The following TUBB4A variants were observed in gnomAD, a reference collection of about 807,000 sequenced individuals.
TUBB4A encodes tubulin beta-4A chain.
TUBB4A carries 13 observed loss-of-function variants against 35.1 expected under a neutral mutation model. That is an observed-to-expected ratio of 0.37 (90% CI 0.24 to 0.59). The LOEUF is 0.59. Among genes scored for constraint, TUBB4A ranks in the 20% least tolerant of loss-of-function variants. The pLI is 0.71. For synonymous variants in TUBB4A, 279 were observed against 272.4 expected, an observed-to-expected ratio of 1.02 and a Z score of -0.24; for missense variants, 299 against 647.2, an observed-to-expected ratio of 0.46 and a Z score of 5.84.
At position 6,501,231 on chromosome 19, in the gene TUBB4A, G is replaced by C; in HGVS notation, c.277+56C>G. 1 of 1,456,110 alleles carries C rather than the reference G, an allele frequency of 6.9e-7. No homozygotes were observed. The highest frequency in any genetic ancestry group is 2.3e-5 in the East Asian group (1 of 43,852). The allele number at this position is 1,456,110 out of a possible 1,614,324, so 90.2% of individuals were successfully genotyped here. A position where few individuals can be genotyped will look rare whatever the true frequency, so the allele number is the denominator to read the frequency against. On this transcript the variant is annotated intron_variant, in intron 3 of 3. Coordinates refer to ENST00000264071, the MANE Select transcript of TUBB4A (RefSeq NM_006087.4). This position sits in a 1 kb window ranked among gnomAD's most constrained non-coding sequence, Gnocchi z 4.2. ...CCCGGTGGTGGCTGTTGACTCTGTG[G>C]TGTTAGCAGGAATAAGGAGGTTTTC...
chr19:6,496,406 G>T (rs1437588290), intron 3 of TUBB4A, 185 bp from the exon 4 acceptor site: 1 of 578,830 alleles, frequency 1.7e-6, no homozygotes, highest in Non-Finnish European at 3.0e-6. Context: ...GAGGTGGGCG[G>T]ATCACGAGGT....
chr19:6,500,397 G>A (rs1914475603), intron 3 of TUBB4A, among the ~76,000 whole-genome samples: 1 of 152,140 alleles, frequency 6.6e-6, no homozygotes, highest in Non-Finnish European at 1.5e-5. Flanking sequence ...GCCTCCCAAA[G>A]TCCTGGGTTT....
In TUBB4A at chr19:6,501,658, G is replaced by A. The variant is rs1388860157; in HGVS notation, c.58-35C>T. 1 of 1,586,708 alleles carries A rather than the reference G, an allele frequency of 6.3e-7. No homozygotes were observed. Among genetic ancestry groups the A allele is most frequent in the Non-Finnish European group, 8.6e-7 (1 of 1,160,334 alleles). ...GAGGTGGTCGGAAGAGTTGAGAGAG[G>A]GGAAGCCGGTGGCCAAGCCGAGGAC... is the stretch of plus-strand genomic sequence containing the variant. On this transcript the variant is annotated intron_variant, in intron 1 of 3. Coordinates refer to ENST00000264071, the MANE Select transcript of TUBB4A (RefSeq NM_006087.4). This position sits in a 1 kb window ranked among gnomAD's most constrained non-coding sequence, Gnocchi z 4.2.
In TUBB4A at chr19:6,495,405, G is replaced by A. The variant is rs1053267; in HGVS notation, c.1094C>T (p.Ala365Val). ...GGCCGTGCTGTTGCCGATGAAGGTCGCGGCCATCTTCAGGCCGCGGGGCGG... is the reference window on the plus strand; with the variant it reads ...GGCCGTGCTGTTGCCGATGAAGGTCACGGCCATCTTCAGGCCGCGGGGCGG... ...DIPPRGLKMA[A>V]TFIGNSTAIQ... Residue 365 changes from alanine to valine, a missense_variant, in exon 4 of 4, where the codon GCG becomes GTG. This residue lies in a region of TUBB4A where 125 missense variants were observed against 279.1 expected (regional missense o/e 0.45). Coordinates refer to ENST00000264071, the MANE Select transcript of TUBB4A (RefSeq NM_006087.4). The surrounding 1 kb of genome is among the most constrained non-coding windows in gnomAD (Gnocchi z 8.7). 1.2e-6 allele frequency: 2 copies of A among 1,614,024 alleles called. No individual in the cohort carries two copies. Among genetic ancestry groups the A allele is most frequent in the Non-Finnish European group, 1.7e-6 (2 of 1,180,014 alleles).
upstream of TUBB4A, chr19:6,502,361 G>A (rs755809751): frequency 1.6e-5 from 14 of 860,082 alleles, no homozygotes; most frequent in South Asian, 2.6e-4. Flanking sequence ...CACGCGTCAC[G>A]GCCGGTCACC....
Position 6,495,443 on chromosome 19 carries a change from G to A in TUBB4A, c.1056C>T (p.Ala352=), listed in dbSNP as rs140196381. ...GGCCGCGGGGCGGGATGTCGCACAC[G>A]GCCGTCTTCACGTTGTTGGGGATCC... The part of the protein sequence containing the change: ...VEWIPNNVKT[A]VCDIPPRGLK... The change falls in exon 4 of 4, where the codon GCC becomes GCT. Residue 352 remains alanine (A), a synonymous_variant. Transcript: ENST00000264071. The surrounding 1 kb of genome is among the most constrained non-coding windows in gnomAD (Gnocchi z 8.7). 2.3e-5 allele frequency: 37 copies of A among 1,614,138 alleles called. No individual in the cohort carries two copies. The highest frequency in any genetic ancestry group is 2.0e-4 in the East Asian group (9 of 44,882).
chr19:6,498,380 C>A (rs985841308), intron 3 of TUBB4A, among the ~76,000 whole-genome samples: 2 of 152,132 alleles, frequency 1.3e-5, no homozygotes, highest in African/African-American at 2.4e-5. Flanking sequence ...CCCTTATCAC[C>A]CAGTCTGTCC....
At position 6,501,744 on chromosome 19, in the gene TUBB4A, G is replaced by A. The variant is rs1344481645; in HGVS notation, c.58-121C>T. 8 of 773,316 alleles carry A rather than the reference G, an allele frequency of 1.0e-5. No individual in the cohort carries two copies. Among genetic ancestry groups the A allele is most frequent in the Non-Finnish European group, 1.7e-5 (8 of 469,148 alleles). 47.9% of individuals were successfully genotyped at this position (773,316 alleles called of 1,614,324 possible). A position where few individuals can be genotyped will look rare whatever the true frequency, so the allele number is the denominator to read the frequency against. ...CTCTCCCCCAGCAAGGTGAACGGGGGACCTAGAGGCATGGTGTCGGGGCGA... is the reference window on the plus strand; with the variant it reads ...CTCTCCCCCAGCAAGGTGAACGGGGAACCTAGAGGCATGGTGTCGGGGCGA... On this transcript the variant is annotated intron_variant, in intron 1 of 3. Transcript: ENST00000264071. The surrounding 1 kb of genome is among the most constrained non-coding windows in gnomAD (Gnocchi z 4.2).
rs1163559005 is a variant in TUBB4A at position 6,501,490 on chromosome 19, C to G, written c.166+25G>C. 1.9e-6 allele frequency: 3 copies of G among 1,609,228 alleles called. No homozygotes were observed. The highest frequency in any genetic ancestry group is 1.7e-4 in the Middle Eastern group (1 of 6,044). On this transcript the variant is annotated intron_variant, in intron 2 of 3. Transcript: ENST00000264071. The surrounding 1 kb of genome is among the most constrained non-coding windows in gnomAD (Gnocchi z 4.2). ...TTCCCTCCCAGCTGCCCCTTCCCAC[C>G]TGGAAGGTGCCTCCTTCGCCCTACC...
chr19:6,502,423 G>T (rs752515771), upstream of TUBB4A: 73 of 545,062 alleles, frequency 1.3e-4, no homozygotes, highest in Admixed American at 6.4e-4. Flanking sequence ...GGGCTGGGGT[G>T]GGGGGAGGTG....
At position 6,501,866 on chromosome 19, in the gene TUBB4A, G is replaced by A. The variant is rs1914549012; in HGVS notation, c.58-243C>T. 1.7e-6 allele frequency: 1 copy of A among 587,366 alleles called. No individual in the cohort carries two copies. The highest frequency in any genetic ancestry group is 2.1e-5 in the South Asian group (1 of 48,238). 36.4% of individuals were successfully genotyped at this position (587,366 alleles called of 1,614,324 possible). A position where few individuals can be genotyped will look rare whatever the true frequency, so the allele number is the denominator to read the frequency against. On this transcript the variant is annotated intron_variant, in intron 1 of 3. Coordinates refer to ENST00000264071, the MANE Select transcript of TUBB4A (RefSeq NM_006087.4). The surrounding 1 kb of genome is among the most constrained non-coding windows in gnomAD (Gnocchi z 4.2). ...CCAGCGCACCCAGGCTGCAGCCCGG[G>A]GGAGGCACCGGGGCTCTTTGTGCGT...
Position 6,495,673 on chromosome 19 carries a change from G to A in TUBB4A, c.826C>T (p.Arg276Trp), listed in dbSNP as rs1324545862. The A allele has an allele frequency of 3.1e-6, 5 of 1,613,950 alleles. No homozygotes were observed. The highest frequency in any genetic ancestry group is 2.2e-5 in the East Asian group (1 of 44,888). Residue 276 changes from arginine to tryptophan, a missense_variant, in exon 4 of 4, where the codon CGG (arginine) becomes TGG (tryptophan). Arg to Trp is a moderately radical substitution (Grantham distance 101). Coordinates refer to ENST00000264071, the MANE Select transcript of TUBB4A (RefSeq NM_006087.4). This position sits in a 1 kb window ranked among gnomAD's most constrained non-coding sequence, Gnocchi z 8.7. The part of the protein sequence containing the change: ...FMPGFAPLTS[R>W]GSQQYRALTV... ...AGGGCCCGGTACTGCTGGCTGCCCCGGCTGGTCAGGGGTGCGAAGCCGGGC... is the reference window on the plus strand; with the variant it reads ...AGGGCCCGGTACTGCTGGCTGCCCCAGCTGGTCAGGGGTGCGAAGCCGGGC...
intron 3 of TUBB4A, among the ~76,000 whole-genome samples, chr19:6,497,513 G>C (rs114772352): frequency 0.017 from 2,622 of 151,910 alleles, 83 homozygotes; most frequent in African/African-American, 0.059. Context: ...CAATCCACCT[G>C]CCATGGCCTC....
intron 3 of TUBB4A, among the ~76,000 whole-genome samples, chr19:6,498,330 G>C (rs1362200491): frequency 6.6e-6 from 1 of 152,056 alleles, no homozygotes; most frequent in Non-Finnish European, 1.5e-5. Context: ...CACCCTCCTG[G>C]ATAAGTTCAA....
At chr19:6,496,251 G>C in intron 3 of TUBB4A, 30 bp from the exon 4 acceptor site, 5 of 1,580,604 alleles carry the variant, frequency 3.2e-6, no homozygotes, top group Non-Finnish European at 4.3e-6. Flanking sequence ...GGACACACAT[G>C]CAGTTATGGG....
At chr19:6,498,210 C>CA (rs33975406) in intron 3 of TUBB4A, among the ~76,000 whole-genome samples, 95,399 of 139,240 alleles carry the variant, frequency 0.69, 32,796 homozygotes, top group Admixed American at 0.77. Flanking sequence ...GACTTTGTCT[C>CA]AAAAAAAAAA....
chr19:6,495,935 A>G lies in TUBB4A; in HGVS notation c.564T>C (p.Ser188=). 1 of 1,614,204 alleles carries G rather than the reference A, an allele frequency of 6.2e-7. No individual in the cohort carries two copies. The highest frequency in any genetic ancestry group is 1.1e-5 in the South Asian group (1 of 91,084). The change falls in exon 4 of 4, where the codon TCT becomes TCC. Residue 188 remains serine, a synonymous_variant. Transcript: ENST00000264071. The surrounding 1 kb of genome is among the most constrained non-coding windows in gnomAD (Gnocchi z 8.7). Reference sequence around the variant, plus strand: ...CCGTATTCTCCACCAGCTGGTGCACAGACAGCGTGGCGTTGTAGGGCTCCA... The same window carrying G: ...CCGTATTCTCCACCAGCTGGTGCACGGACAGCGTGGCGTTGTAGGGCTCCA... ...TVVEPYNATL[S]VHQLVENTDE...
Position 6,501,425 on chromosome 19 carries a change from C to T in TUBB4A, c.167-28G>A, listed in dbSNP as rs1242383019. On this transcript the variant is annotated intron_variant, in intron 2 of 3. Transcript: ENST00000264071. This position sits in a 1 kb window ranked among gnomAD's most constrained non-coding sequence, Gnocchi z 4.2. ...GCAGGGAAACAGATGGAGGGCAGTT[C>T]GATGCGTGCCAGGAACCACAGGCGC... 8 of 1,607,484 alleles carry T rather than the reference C, an allele frequency of 5.0e-6. No individual in the cohort carries two copies. The highest frequency in any genetic ancestry group is 1.3e-5 in the African/African-American group (1 of 74,826).
chr19:6,497,061 A>G (rs898975601), intron 3 of TUBB4A, among the ~76,000 whole-genome samples: 22 of 100,184 alleles, frequency 2.2e-4, no homozygotes, highest in East Asian at 2.0e-3. Context: ...ATATATATAT[A>G]TATAAATTAG....
Sources: gnomAD v4.1 joint callset for allele counts (sites outside exome capture counted in the v4.1 genomes callset) on GRCh38, gnomAD v4.1.1 for gene constraint, gnomAD v4.1.1 regional missense constraint, Gnocchi (gnomAD v3.1) non-coding constraint, MANE v1.5 for transcripts, NCBI Gene and HGNC (gene_info 2026-07-23, HGNC 2026-07-21) for gene names.